Variants in RGS7 observed in about 807,000 individuals in gnomAD.
RGS7 encodes the protein regulator of G-protein signaling 7.
Under a neutral mutation model 81.1 loss-of-function variants are expected in RGS7, and 27 were observed. The observed-to-expected ratio is 0.33, with a 90% CI of 0.25 to 0.46. The LOEUF (loss-of-function observed/expected upper bound fraction) is 0.46. RGS7 is among the 20% of genes least tolerant of loss of function. The pLI, the probability that RGS7 is intolerant of heterozygous loss-of-function variation, is 1.00. For synonymous variants in RGS7, 208 were observed against 207.7 expected, an observed-to-expected ratio of 1.00 and a Z score of -0.01; for missense variants, 396 against 607.4, an observed-to-expected ratio of 0.65 and a Z score of 3.66.
At chr1:240,888,276 T>C (rs1188132690) in intron 6 of RGS7, among the ~76,000 whole-genome samples, 1 of 152,204 alleles carries the variant, frequency 6.6e-6, no homozygotes, top group South Asian at 2.1e-4. Context: ...AACTAGAAGA[T>C]GGCAGCTTTA....
intron 6 of RGS7, among the ~76,000 whole-genome samples, chr1:240,870,984 G>C (rs1030894408): frequency 2.0e-5 from 3 of 152,060 alleles, no homozygotes; most frequent in Non-Finnish European, 4.4e-5. Flanking sequence ...CGATGGCCTG[G>C]GCTACCATGG....
intron 2 of RGS7, among the ~76,000 whole-genome samples, chr1:241,249,349 C>A (rs1299303762): frequency 6.6e-6 from 1 of 150,408 alleles, no homozygotes; most frequent in African/African-American, 2.4e-5. Flanking sequence ...TTTATCCTTT[C>A]CCCATTGAAT....
intron 2 of RGS7, among the ~76,000 whole-genome samples, chr1:241,350,749 A>C (rs2083193040): frequency 5.4e-5 from 1 of 18,416 alleles, no homozygotes; most frequent in African/African-American, 8.3e-5. Context: ...CTCAAAAAAA[A>C]AAAAAAAAAA....
rs73130935 is a variant in RGS7 at position 241,193,762 on chromosome 1, A to C, written c.79-95000T>G. 2.0e-3 allele frequency among the ~76,000 whole-genome samples: 303 copies of C among 152,334 alleles called. 2 individuals are homozygous for C. Among genetic ancestry groups the C allele is most frequent in the African/African-American group, 6.8e-3 (283 of 41,582 alleles). On this transcript the variant is annotated intron_variant, in intron 2 of 18. Coordinates refer to ENST00000440928, the MANE Select transcript of RGS7 (RefSeq NM_001364886.1). ...TGAGACTTCTGCTACAGAAAGTCAG[A>C]GGAAAGAATGTGACTTTCAGGTGAG...
At chr1:241,054,693 A>G (rs1448034200) in intron 3 of RGS7, among the ~76,000 whole-genome samples, 1 of 152,078 alleles carries the variant, frequency 6.6e-6, no homozygotes, top group Admixed American at 6.6e-5. Context: ...GCCAATATTC[A>G]CTCAGGTGCT....
intron 2 of RGS7, among the ~76,000 whole-genome samples, chr1:241,337,349 A>C (rs1165506698): frequency 6.6e-6 from 1 of 152,148 alleles, no homozygotes; most frequent in Non-Finnish European, 1.5e-5. Flanking sequence ...ACAATCATTT[A>C]ATGGACAGTG....
chr1:241,167,879 G>A (rs1008871932), intron 2 of RGS7, among the ~76,000 whole-genome samples: 4 of 151,878 alleles, frequency 2.6e-5, no homozygotes, highest in South Asian at 2.1e-4. Flanking sequence ...ATATTACCTC[G>A]GACAAAGAGC....
chr1:240,794,798 T>C (rs1686712667), intron 18 of RGS7, among the ~76,000 whole-genome samples: 1 of 149,556 alleles, frequency 6.7e-6, no homozygotes, highest in South Asian at 2.1e-4. Context: ...TTACACTGTA[T>C]GCAGAGGGGA....
intron 4 of RGS7, among the ~76,000 whole-genome samples, chr1:240,955,667 G>T (rs66981147): frequency 0.87 from 132,273 of 151,916 alleles, 57,716 homozygotes; most frequent in Admixed American, 0.93. Context: ...AAAGAACAGA[G>T]AAATATATAA....
chr1:241,020,759 A>G (rs1160559152), intron 3 of RGS7, among the ~76,000 whole-genome samples: 1 of 152,226 alleles, frequency 6.6e-6, no homozygotes, highest in African/African-American at 2.4e-5. Flanking sequence ...CCCTAGAAGA[A>G]TAGAGAGTAG....
At chr1:241,233,214 A>C (rs2075761468) in intron 2 of RGS7, among the ~76,000 whole-genome samples, 1 of 152,230 alleles carries the variant, frequency 6.6e-6, no homozygotes, top group African/African-American at 2.4e-5. Context: ...TTAATTATTT[A>C]TCATTTCTTT....
At chr1:240,787,759 A>T (rs1685308441) in intron 18 of RGS7, among the ~76,000 whole-genome samples, 1 of 152,232 alleles carries the variant, frequency 6.6e-6, no homozygotes, top group Non-Finnish European at 1.5e-5. Context: ...GCCAACATAC[A>T]CTAAAGTGAA....
At chr1:241,031,518 G>A (rs908147828) in intron 3 of RGS7, among the ~76,000 whole-genome samples, 1 of 152,130 alleles carries the variant, frequency 6.6e-6, no homozygotes, top group Non-Finnish European at 1.5e-5. Flanking sequence ...GGATCAAATG[G>A]TAGTTTTATT....
At chr1:241,302,745 T>G (rs2079848922) in intron 2 of RGS7, among the ~76,000 whole-genome samples, 1 of 152,198 alleles carries the variant, frequency 6.6e-6, no homozygotes, top group Non-Finnish European at 1.5e-5. Context: ...TTCATGGTCA[T>G]TACTGTTTCA....
chr1:241,287,455 A>G (rs1162626611), intron 2 of RGS7, among the ~76,000 whole-genome samples: 1 of 152,156 alleles, frequency 6.6e-6, no homozygotes, highest in African/African-American at 2.4e-5. Context: ...GTCACTTAAG[A>G]CGTGACTTTG....
chr1:241,192,160 G>GTATGTA (rs371424358), intron 2 of RGS7, among the ~76,000 whole-genome samples: 1 of 11,932 alleles, frequency 8.4e-5, no homozygotes, highest in East Asian at 1.2e-3. Flanking sequence ...GAGAAAACAG[G>GTATGTA]TGTGTGTGTG....
chr1:240,968,995 C>G (rs780174703), intron 4 of RGS7, among the ~76,000 whole-genome samples: 1 of 152,118 alleles, frequency 6.6e-6, no homozygotes, highest in Non-Finnish European at 1.5e-5. Context: ...AGGGACCTGA[C>G]TTTTCAGACA....
At chr1:241,181,510 C>T (rs1483696869) in intron 2 of RGS7, among the ~76,000 whole-genome samples, 1 of 152,224 alleles carries the variant, frequency 6.6e-6, no homozygotes, top group Non-Finnish European at 1.5e-5. Context: ...CCAGCTATTA[C>T]TCTGATCCTG....
intron 2 of RGS7, among the ~76,000 whole-genome samples, chr1:241,300,554 C>T (rs1026081209): frequency 3.3e-5 from 5 of 152,212 alleles, no homozygotes; most frequent in Non-Finnish European, 5.9e-5. Context: ...TTTCACTTAG[C>T]ATGCATTTAA....
Sources: allele counts gnomAD v4.1 joint callset (sites outside exome capture counted in the v4.1 genomes callset), GRCh38; gene constraint gnomAD v4.1.1; transcripts MANE v1.5; gene names NCBI Gene and HGNC (gene_info 2026-07-23, HGNC 2026-07-21).